DYSF: variants seen among roughly 807,000 people sequenced by gnomAD.
DYSF encodes the protein dystrophy-associated fer-1-like 1.
In DYSF, 212 loss-of-function variants were observed where a neutral mutation model predicts 274.9. That is an observed-to-expected ratio of 0.77 (90% CI 0.69 to 0.86). The LOEUF is 0.86. Ranked by LOEUF, DYSF falls within the 40% of genes least tolerant of loss-of-function variation. The pLI is 0.00. For synonymous variants in DYSF, 1,091 were observed against 1,078.7 expected, an observed-to-expected ratio of 1.01 and a Z score of -0.22; for missense variants, 2,666 against 2,783.2, an observed-to-expected ratio of 0.96 and a Z score of 0.95.
intron 30 of DYSF, among the ~76,000 whole-genome samples, chr2:71,587,345 CCA>C (rs2152839841): frequency 6.6e-6 from 1 of 152,348 alleles, no homozygotes; most frequent in East Asian, 1.9e-4. Context: ...CATGTACAAA[CCA>C]CCACTGCCTG....
At chr2:71,531,957 C>G (rs2088773035) in intron 14 of DYSF, among the ~76,000 whole-genome samples, 1 of 152,154 alleles carries the variant, frequency 6.6e-6, no homozygotes. Flanking sequence ...GGAATTTAAC[C>G]CTGCTTCTTC....
intron 1 of DYSF, among the ~76,000 whole-genome samples, chr2:71,467,205 G>A (rs1261234932): frequency 6.6e-6 from 1 of 152,214 alleles, no homozygotes; most frequent in Non-Finnish European, 1.5e-5. Flanking sequence ...GACACCCAGA[G>A]GAAATAAAGT....
At chr2:71,552,894 G>A in intron 19 of DYSF, 117 bp from the exon 20 acceptor site, 4 of 1,043,438 alleles carry the variant, frequency 3.8e-6, no homozygotes, top group Non-Finnish European at 5.9e-6. Flanking sequence ...CGTCAGTCCA[G>A]CCAGGAGCTA....
intron 36 of DYSF, among the ~76,000 whole-genome samples, chr2:71,603,275 G>A (rs752930872): frequency 6.6e-6 from 1 of 152,212 alleles, no homozygotes; most frequent in Non-Finnish European, 1.5e-5. Context: ...GGGGGATGGG[G>A]CGAGCTGGGG....
chr2:71,535,316 G>C lies in DYSF; in HGVS notation c.1493+5G>C, dbSNP rs553207755. ...GAGGATTCGTATCATAGACTGGTGA[G>C]TTCTGAGTCTTGGAGTCTTTAGGGC... is the stretch of plus-strand genomic sequence containing the variant. On this transcript the variant is annotated splice_donor_5th_base_variant and intron_variant, in intron 16 of 55. Coordinates refer to ENST00000410020, the MANE Select transcript of DYSF (RefSeq NM_001130987.2). 1.9e-6 allele frequency: 3 copies of C among 1,613,980 alleles called. No individual in the cohort carries two copies. Among genetic ancestry groups the C allele is most frequent in the Non-Finnish European group, 2.5e-6 (3 of 1,179,964 alleles).
rs143161041 is a variant in DYSF, at chr2:71,544,547, C to T, written c.1576+5308C>T. Among the ~76,000 whole-genome samples, 327 of 148,100 alleles carry T rather than the reference C, an allele frequency of 2.2e-3. 1 individual carries two copies. The highest frequency in any genetic ancestry group is 7.1e-3 in the African/African-American group (287 of 40,204). ...TGATCTTGGCTCACTGCAACCTCTG[C>T]CTCCTGGGTTCAAGCGATTCTCCTG... On this transcript the variant is annotated intron_variant, in intron 17 of 55. Transcript: ENST00000410020.
At chr2:71,622,299 A>G (rs2094125947) in intron 41 of DYSF, among the ~76,000 whole-genome samples, 1 of 151,778 alleles carries the variant, frequency 6.6e-6, no homozygotes, top group Non-Finnish European at 1.5e-5. Context: ...ATTTTTGTAT[A>G]TTTACTTTGG....
chr2:71,562,406 G>C (rs1051415623), intron 23 of DYSF, among the ~76,000 whole-genome samples: 2 of 152,144 alleles, frequency 1.3e-5, no homozygotes, highest in Admixed American at 1.3e-4. Context: ...GCCCAAGGAG[G>C]CTTCATTTTC....
At chr2:71,634,333 C>A (rs1017563360) in intron 41 of DYSF, among the ~76,000 whole-genome samples, 1 of 152,208 alleles carries the variant, frequency 6.6e-6, no homozygotes, top group African/African-American at 2.4e-5. Context: ...AGAAAACATA[C>A]CACCATTTCC....
chr2:71,574,452 C>T, intron 30 of DYSF, 81 bp downstream of exon 30: 1 of 1,528,844 alleles, frequency 6.5e-7, no homozygotes, highest in Non-Finnish European at 8.9e-7. Context: ...GTGGGAGAGG[C>T]ACAGGGACCC....
chr2:71,648,278 A>C (rs1394853529), intron 42 of DYSF, among the ~76,000 whole-genome samples: 1 of 152,228 alleles, frequency 6.6e-6, no homozygotes, highest in Non-Finnish European at 1.5e-5. Context: ...AAGGGCTGAT[A>C]AAATGAGTGA....
At chr2:71,618,043 TGTGTGTGTGTGTGTGGTAGAGATGGG>T (rs2093951968) in intron 40 of DYSF, among the ~76,000 whole-genome samples, 5 of 71,386 alleles carry the variant, frequency 7.0e-5, no homozygotes, top group Non-Finnish European at 1.4e-4. Flanking sequence ...AGAGATGGTG[TGTGTGTGTGTGTGTGGTAGAGATGGG>T]GTGTGTGTGT....
intron 3 of DYSF, among the ~76,000 whole-genome samples, chr2:71,501,056 C>T (rs77994716): frequency 0.011 from 1,729 of 152,162 alleles, 40 homozygotes; most frequent in African/African-American, 0.039. Context: ...CTTCTGGCAC[C>T]AGCCCCTAGG....
At chr2:71,617,769 T>TGTGTGG (rs2093928566) in intron 40 of DYSF, among the ~76,000 whole-genome samples, 1 of 118,892 alleles carries the variant, frequency 8.4e-6, no homozygotes, top group Non-Finnish European at 1.7e-5. Context: ...GTGGTGTGTG[T>TGTGTGG]GGTAGAGGTG....
chr2:71,565,944 A>G (rs943780378), intron 24 of DYSF, among the ~76,000 whole-genome samples: 35 of 152,170 alleles, frequency 2.3e-4, no homozygotes, highest in African/African-American at 6.8e-4. Flanking sequence ...CTGGAGGCCA[A>G]CTCAAGGCCA....
At chr2:71,486,793 A>G (rs2083403093) in intron 3 of DYSF, among the ~76,000 whole-genome samples, 1 of 152,204 alleles carries the variant, frequency 6.6e-6, no homozygotes, top group Non-Finnish European at 1.5e-5. Flanking sequence ...CTTAGGGTGG[A>G]AGACACTCAG....
In DYSF at chr2:71,668,836, C is replaced by T. The variant is rs1436866611; in HGVS notation, c.5540C>T (p.Ala1847Val). 2 of 1,612,878 alleles carry T rather than the reference C, an allele frequency of 1.2e-6. No individual in the cohort carries two copies. The highest frequency in any genetic ancestry group is 3.3e-5 in the Admixed American group (2 of 59,968). The change falls in exon 49 of 56, where the codon GCC (alanine) becomes GTC (valine). Residue 1847 changes from alanine to valine, a missense_variant. This residue lies in a region of DYSF where 1,460 missense variants were observed against 1,502.1 expected (regional missense o/e 0.97). Transcript: ENST00000410020. ...CCCTTCAACATCACCCCACGGAGAG[C>T]CAGAAGGTGACTTGCCCAGCCACAG... ...GPPFNITPRRARRFFLRCIIW... is the reference protein window; with the variant it reads ...GPPFNITPRRVRRFFLRCIIW...
chr2:71,475,236 A>C (rs2152667082), intron 1 of DYSF, among the ~76,000 whole-genome samples: 1 of 152,282 alleles, frequency 6.6e-6, no homozygotes, highest in South Asian at 2.1e-4. Context: ...CCATGAATGA[A>C]GTCTTGGGGC....
chr2:71,542,804 T>C (rs1185098073), intron 17 of DYSF, among the ~76,000 whole-genome samples: 2 of 152,224 alleles, frequency 1.3e-5, no homozygotes, highest in African/African-American at 4.8e-5. Flanking sequence ...ATCTGATTTC[T>C]CCATCTTCTC....
Sources: allele counts gnomAD v4.1 joint callset (sites outside exome capture counted in the v4.1 genomes callset), GRCh38; gene constraint gnomAD v4.1.1; regional missense constraint gnomAD v4.1.1; transcripts MANE v1.5; gene names NCBI Gene and HGNC (gene_info 2026-07-23, HGNC 2026-07-21).